The following C1orf21 variants were observed in gnomAD, a reference collection of about 807,000 sequenced individuals.
The protein encoded by C1orf21 is uncharacterized protein C1orf21.
Under a neutral mutation model 18.7 loss-of-function variants are expected in C1orf21, and 3 were observed. That is an observed-to-expected ratio of 0.16 (90% CI 0.07 to 0.42). C1orf21 has a LOEUF of 0.42. Ranked by LOEUF, C1orf21 falls within the 10% of genes least tolerant of loss-of-function variation. The pLI is 0.99. For synonymous variants in C1orf21, 41 were observed against 46.4 expected (o/e 0.88, Z 0.47); for missense variants, 104 against 143.6 (o/e 0.72, Z 1.41).
Position 184,564,598 on chromosome 1 carries a change from C to G in C1orf21, c.190-26141C>G, listed in dbSNP as rs574464820. Among the ~76,000 whole-genome samples the G allele has an allele frequency of 2.8e-4, 42 of 152,274 alleles. 1 individual carries two copies. Among genetic ancestry groups the G allele is most frequent in the African/African-American group, 9.6e-4 (40 of 41,546 alleles). ...GGGATTACAGGTGTGAGCCACCACA[C>G]CTGGCCTAATAATAATAATTCTCTA... is the stretch of plus-strand genomic sequence containing the variant. On this transcript the variant is annotated intron_variant, in intron 3 of 5. Transcript: ENST00000235307.
chr1:184,418,031 A>G lies in C1orf21; in HGVS notation c.-125+30663A>G, dbSNP rs1656484782. 2.0e-5 allele frequency among the ~76,000 whole-genome samples: 3 copies of G among 152,152 alleles called. No homozygotes were observed. The South Asian group carries it at 6.2e-4, about 32-fold the overall frequency. On this transcript the variant is annotated intron_variant, in intron 1 of 5. Transcript: ENST00000235307. The stretch of plus-strand genomic sequence containing the variant: ...GGCATTCCCACCCTTGCCTAACCAC[A>G]CAGTCCCTATTCTTAGCCAAATAAG...
intron 3 of C1orf21, among the ~76,000 whole-genome samples, chr1:184,570,477 G>T (rs1329713198): frequency 6.6e-6 from 1 of 152,034 alleles, no homozygotes; most frequent in East Asian, 1.9e-4. Context: ...TATATCTCAG[G>T]CAGGGCAAAC....
At chr1:184,604,251 C>T (rs927535532) in intron 5 of C1orf21, among the ~76,000 whole-genome samples, 1 of 152,048 alleles carries the variant, frequency 6.6e-6, no homozygotes, top group Non-Finnish European at 1.5e-5. Flanking sequence ...TAGTGCCCAC[C>T]AATGATAAGA....
At chr1:184,542,362 G>C (rs1042705957) in intron 3 of C1orf21, among the ~76,000 whole-genome samples, 3 of 152,082 alleles carry the variant, frequency 2.0e-5, no homozygotes, top group Non-Finnish European at 4.4e-5. Context: ...AACTTGCCTG[G>C]GGTCACACAA....
chr1:184,461,647 G>A (rs1177135021), intron 1 of C1orf21, among the ~76,000 whole-genome samples: 2 of 152,148 alleles, frequency 1.3e-5, no homozygotes, highest in African/African-American at 4.8e-5. Flanking sequence ...AAGGAAAATG[G>A]TTAATCTAGC....
In C1orf21 at chr1:184,447,895, C is replaced by T. The variant is rs543072100; in HGVS notation, c.-124-29491C>T. Among the ~76,000 whole-genome samples the T allele has an allele frequency of 1.1e-4, 16 of 152,242 alleles. No homozygotes were observed. The South Asian group carries it at 3.3e-3, about 32-fold the overall frequency. ...ATATCTTAGTACGGCCCTTCATTAT[C>T]CAACCCTGGTCCACTTAAGTGGTCT... is the stretch of plus-strand genomic sequence containing the variant. On this transcript the variant is annotated intron_variant, in intron 1 of 5. Coordinates refer to ENST00000235307, the MANE Select transcript of C1orf21 (RefSeq NM_030806.4).
intron 1 of C1orf21, among the ~76,000 whole-genome samples, chr1:184,426,358 CAG>C (rs1656637122): frequency 1.3e-5 from 2 of 152,182 alleles, no homozygotes; most frequent in Admixed American, 1.3e-4. Context: ...CAAGCACCCT[CAG>C]AGCGATCTTT....
intron 3 of C1orf21, among the ~76,000 whole-genome samples, chr1:184,543,808 G>A (rs1176115858): frequency 6.6e-6 from 1 of 152,158 alleles, no homozygotes; most frequent in Non-Finnish European, 1.5e-5. Flanking sequence ...CTCTAGCAAG[G>A]AGTATTATTT....
At chr1:184,481,350 G>T (rs1234416456) in intron 2 of C1orf21, among the ~76,000 whole-genome samples, 3 of 152,080 alleles carry the variant, frequency 2.0e-5, no homozygotes, top group Admixed American at 6.5e-5. Flanking sequence ...GTGGGGGCAT[G>T]ATCTCCTTTC....
At chr1:184,566,799 G>T in intron 3 of C1orf21, 4 of 459,130 alleles carry the variant, frequency 8.7e-6, no homozygotes, top group South Asian at 7.1e-5. Context: ...GCTGAGCTAT[G>T]AACAGCTCAA....
chr1:184,611,478 G>C (rs1659735571), intron 5 of C1orf21, among the ~76,000 whole-genome samples: 1 of 152,142 alleles, frequency 6.6e-6, no homozygotes. Flanking sequence ...TCCTCTTCCT[G>C]TGTATTCTGG....
chr1:184,441,707 G>A (rs1015045909), intron 1 of C1orf21, among the ~76,000 whole-genome samples: 2 of 152,146 alleles, frequency 1.3e-5, no homozygotes, highest in African/African-American at 4.8e-5. Context: ...AGCTAGTACT[G>A]TATAGTAAAT....
chr1:184,415,587 G>C (rs182717993), intron 1 of C1orf21, among the ~76,000 whole-genome samples: 2 of 152,164 alleles, frequency 1.3e-5, no homozygotes, highest in Admixed American at 1.3e-4. Context: ...AATCAATTTA[G>C]TAGATTTTGA....
chr1:184,481,929 G>A (rs973683005), intron 2 of C1orf21, among the ~76,000 whole-genome samples: 4 of 152,156 alleles, frequency 2.6e-5, no homozygotes, highest in African/African-American at 9.7e-5. Context: ...TTAAGGTCTT[G>A]TCTGTGTTTC....
At chr1:184,602,267 CTGGTGG>C (rs776566143) in intron 5 of C1orf21, among the ~76,000 whole-genome samples, 4 of 152,170 alleles carry the variant, frequency 2.6e-5, no homozygotes, top group Non-Finnish European at 4.4e-5. Flanking sequence ...ATTTCACATG[CTGGTGG>C]TGGGAGGCCA....
chr1:184,453,420 G>A (rs1310781760), intron 1 of C1orf21, among the ~76,000 whole-genome samples: 2 of 152,100 alleles, frequency 1.3e-5, no homozygotes, highest in Non-Finnish European at 2.9e-5. Context: ...AAGTACTGAC[G>A]AATATACAAT....
chr1:184,446,851 G>GTT (rs928078620), intron 1 of C1orf21, among the ~76,000 whole-genome samples: 125 of 129,112 alleles, frequency 9.7e-4, no homozygotes, highest in African/African-American at 3.1e-3. Context: ...TTTTTTCGTG[G>GTT]TTTTTTTTTT....
chr1:184,396,444 A>C (rs187409520), intron 1 of C1orf21, among the ~76,000 whole-genome samples: 16 of 152,294 alleles, frequency 1.1e-4, no homozygotes, highest in Admixed American at 4.6e-4. Flanking sequence ...GATAAAGGGG[A>C]TAGAGTAAAG....
intron 5 of C1orf21, among the ~76,000 whole-genome samples, chr1:184,602,497 A>G (rs916633348): frequency 6.6e-6 from 1 of 152,154 alleles, no homozygotes; most frequent in Non-Finnish European, 1.5e-5. Flanking sequence ...TATAGTTACT[A>G]TTGTAACTCA....
Sources: gnomAD v4.1 joint callset for allele counts (sites outside exome capture counted in the v4.1 genomes callset) on GRCh38, gnomAD v4.1.1 for gene constraint, MANE v1.5 for transcripts, NCBI Gene and HGNC (gene_info 2026-07-23, HGNC 2026-07-21) for gene names.